AMMECR1: variants seen among roughly 807,000 people sequenced by gnomAD.
AMMECR1 encodes the protein AMMECR nuclear protein 1.
Under a neutral mutation model 22.5 loss-of-function variants are expected in AMMECR1, and 3 were observed. That is an observed-to-expected ratio of 0.13 (90% confidence interval 0.06 to 0.35). The LOEUF is 0.35. AMMECR1 is among the 10% of genes least tolerant of loss of function. The pLI, the probability that AMMECR1 is intolerant of heterozygous loss-of-function variation, is 1.00. For missense variants in AMMECR1, 235 were observed against 278.7 expected, an observed-to-expected ratio of 0.84 and a Z score of 1.12; for synonymous variants, 130 against 116.7, an observed-to-expected ratio of 1.11 and a Z score of -0.74.
At chrX:110,266,877 C>G (rs951874913) in intron 1 of AMMECR1, among the ~76,000 whole-genome samples, 4 of 109,850 alleles carry the variant, frequency 3.6e-5, no homozygotes, top group East Asian at 2.9e-4. Flanking sequence ...GTGTGATGTT[C>G]CCCTCCCTGT....
At chrX:110,422,639 C>T (rs969274582) in intron 2 of AMMECR1, among the ~76,000 whole-genome samples, 6 of 112,442 alleles carry the variant, frequency 5.3e-5, no homozygotes, top group Admixed American at 3.7e-4. Flanking sequence ...GCAGCAGCTA[C>T]CATGCCTGGG....
chrX:110,332,513 G>A (rs1482852535), intron 2 of AMMECR1, among the ~76,000 whole-genome samples: 1 of 111,893 alleles, frequency 8.9e-6, no homozygotes, highest in Non-Finnish European at 1.9e-5. Flanking sequence ...AAAAACTCCC[G>A]TTAAGAAATG....
In AMMECR1 at chrX:110,318,081, GTC is replaced by G; in HGVS notation, c.-12_-11del. 2 of 1,183,789 alleles carry G rather than the reference GTC, an allele frequency of 1.7e-6. No individual in the cohort carries two copies. Among genetic ancestry groups the G allele is most frequent in the Admixed American group, 2.3e-5 (1 of 43,988 alleles). On this transcript the variant is annotated 5_prime_UTR_variant, in exon 1 of 6. Transcript: ENST00000262844. ...AGCAACCCGCCGCCATCTTGGAACA[GTC>G]TCCCCCACGCAGCGTTTCCGACCCA...
chrX:110,209,276 A>G (rs912595224), intron 3 of AMMECR1, among the ~76,000 whole-genome samples: 1 of 112,563 alleles, frequency 8.9e-6, no homozygotes, highest in Non-Finnish European at 1.9e-5. Flanking sequence ...AAAAAGTTAC[A>G]TGTGGGTTGA....
chrX:110,398,812 G>T (rs974415951), intron 2 of AMMECR1, among the ~76,000 whole-genome samples: 2 of 112,366 alleles, frequency 1.8e-5, no homozygotes, highest in Admixed American at 9.4e-5. Context: ...AACACTAAAA[G>T]ATACATCTAA....
chrX:110,223,299 T>A (rs2067513989), intron 2 of AMMECR1, among the ~76,000 whole-genome samples: 1 of 112,685 alleles, frequency 8.9e-6, no homozygotes, highest in African/African-American at 3.2e-5. Flanking sequence ...CTAGAAACTA[T>A]TTTTGTTTAA....
At chrX:110,354,273 C>T (rs1175447681) in intron 2 of AMMECR1, among the ~76,000 whole-genome samples, 1 of 111,991 alleles carries the variant, frequency 8.9e-6, no homozygotes, top group African/African-American at 3.2e-5. Context: ...AGCGAGCCCT[C>T]TGTATCCATG....
chrX:110,418,323 G>A (rs1307070701), intron 2 of AMMECR1, among the ~76,000 whole-genome samples: 1 of 112,241 alleles, frequency 8.9e-6, no homozygotes, highest in Non-Finnish European at 1.9e-5. Flanking sequence ...CAACCCATGA[G>A]CAAACACACT....
chrX:110,308,875 G>C (rs1269187219), intron 1 of AMMECR1, among the ~76,000 whole-genome samples: 1 of 111,429 alleles, frequency 9.0e-6, no homozygotes. Context: ...AAAAGGCAAA[G>C]ACTTCATGAG....
chrX:110,353,633 C>A (rs1001409691), intron 2 of AMMECR1, among the ~76,000 whole-genome samples: 1 of 100,299 alleles, frequency 1.0e-5, no homozygotes, highest in African/African-American at 5.0e-5. Flanking sequence ...TTTCAAGGTT[C>A]TCCTGTTGTT....
chrX:110,430,730 G>C (rs777115359), intron 1 of AMMECR1, among the ~76,000 whole-genome samples: 2 of 112,542 alleles, frequency 1.8e-5, no homozygotes, highest in South Asian at 7.4e-4. Context: ...GGAGGAGTTT[G>C]AAAGCAGGAA....
rs375886730 is a variant in AMMECR1 at position 110,342,331 on chromosome X, T to C, written c.-147-24482A>G. Among the ~76,000 whole-genome samples, 44 of 111,212 alleles carry C rather than the reference T, an allele frequency of 4.0e-4. No individual in the cohort carries two copies. The East Asian group carries it at 6.8e-3, about 17-fold the overall frequency. On this transcript the variant is annotated intron_variant, in intron 2 of 7. Transcript: ENST00000372057. ...TGTATAAAGAGCCTTTTAGAATCAATAACTAAAAGACCATTAAAAAAGTGG... is the reference window on the plus strand; with the variant it reads ...TGTATAAAGAGCCTTTTAGAATCAACAACTAAAAGACCATTAAAAAAGTGG...
chrX:110,312,121 T>C (rs987695317), intron 1 of AMMECR1, among the ~76,000 whole-genome samples: 3 of 112,722 alleles, frequency 2.7e-5, no homozygotes, highest in African/African-American at 9.7e-5. Flanking sequence ...ATAATGCCTA[T>C]TGAAATCAGG....
At chrX:110,287,921 T>C (rs2067888972) in intron 1 of AMMECR1, among the ~76,000 whole-genome samples, 1 of 112,033 alleles carries the variant, frequency 8.9e-6, no homozygotes, top group South Asian at 3.7e-4. Flanking sequence ...ATTTTTGCCA[T>C]GCACTTGGGA....
At chrX:110,307,864 C>CTTT (rs1162615101) in intron 1 of AMMECR1, among the ~76,000 whole-genome samples, 76 of 63,591 alleles carry the variant, frequency 1.2e-3, no homozygotes, top group East Asian at 2.6e-3. Context: ...TTTTTTTTTT[C>CTTT]TTTTTTTTTT....
intron 2 of AMMECR1, among the ~76,000 whole-genome samples, chrX:110,359,327 T>C (rs1018661820): frequency 2.7e-5 from 3 of 111,885 alleles, no homozygotes; most frequent in Non-Finnish European, 5.6e-5. Flanking sequence ...CCTCTAATGT[T>C]TTCTGCAGCT....
intron 2 of AMMECR1, among the ~76,000 whole-genome samples, chrX:110,415,163 G>A (rs189938127): frequency 7.1e-4 from 80 of 112,114 alleles, no homozygotes; most frequent in African/African-American, 2.4e-3. Context: ...CCCCAGGGCC[G>A]TAGCACCAGA....
At chrX:110,439,673 G>A (rs1003723178) in intron 1 of AMMECR1, among the ~76,000 whole-genome samples, 6 of 111,694 alleles carry the variant, frequency 5.4e-5, no homozygotes, top group Admixed American at 1.9e-4. Context: ...TGGTGGGGGC[G>A]GTGGGGTGGT....
rs760380626 is a variant in AMMECR1, at chrX:110,307,815, T to C, written c.473+9784A>G. On this transcript the variant is annotated intron_variant, in intron 1 of 5. Coordinates refer to ENST00000262844, the MANE Select transcript of AMMECR1 (RefSeq NM_015365.3). ...AAGGACCCATAGCAGGTCCTCATAT[T>C]ATGAAACTTCATGATATGCATTTGC... Among the ~76,000 whole-genome samples, 5 of 109,245 alleles carry C rather than the reference T, an allele frequency of 4.6e-5. No homozygotes were observed. In the South Asian group the frequency reaches 2.0e-3, roughly 44 times the overall value. 94.9% of individuals were successfully genotyped at this position (109,245 alleles called of 115,157 possible). A position where few individuals can be genotyped will look rare whatever the true frequency, so the allele number is the denominator to read the frequency against.
Sources: allele counts gnomAD v4.1 joint callset (sites outside exome capture counted in the v4.1 genomes callset), GRCh38; gene constraint gnomAD v4.1.1; transcripts MANE v1.5; gene names NCBI Gene and HGNC (gene_info 2026-07-23, HGNC 2026-07-21).